The following GRID2 variants were observed in gnomAD, a reference collection of about 807,000 sequenced individuals.
GRID2 encodes glutamate receptor ionotropic, delta-2.
A neutral mutation model predicts 114.8 loss-of-function variants in GRID2; 33 were observed. The ratio of observed to expected loss-of-function variants is 0.29; its 90% confidence interval spans 0.22 to 0.38. The LOEUF is 0.38. Ranked by LOEUF, GRID2 falls within the 10% of genes least tolerant of loss-of-function variation. The pLI, the probability that GRID2 is intolerant of heterozygous loss-of-function variation, is 1.00. For synonymous variants in GRID2, 505 were observed against 449.9 expected (o/e 1.12, Z -1.55); for missense variants, 1,184 against 1,257.7 (o/e 0.94, Z 0.89).
intron 2 of GRID2, among the ~76,000 whole-genome samples, chr4:92,854,125 A>T (rs982815743): frequency 5.3e-5 from 8 of 151,856 alleles, no homozygotes; most frequent in Non-Finnish European, 7.4e-5. Context: ...ATCATCCCTA[A>T]ATACAAGGGG....
chr4:93,257,978 GTATA>G (rs72080884), intron 8 of GRID2, among the ~76,000 whole-genome samples: 57 of 139,078 alleles, frequency 4.1e-4, no homozygotes, highest in African/African-American at 5.9e-4. Context: ...ATATGTGTGT[GTATA>G]TATATATATA....
chr4:92,854,801 G>A lies in GRID2; in HGVS notation c.245-230194G>A, dbSNP rs142512348. On this transcript the variant is annotated intron_variant, in intron 2 of 15. Transcript: ENST00000282020. ...GTAAATAATAAAAAAATTTAGAAAGGGGAAAATTTTTTAAATGAAGATTGA... is the reference window on the plus strand; with the variant it reads ...GTAAATAATAAAAAAATTTAGAAAGAGGAAAATTTTTTAAATGAAGATTGA... 3.3e-5 allele frequency among the ~76,000 whole-genome samples: 5 copies of A among 151,918 alleles called. No individual in the cohort carries two copies. The East Asian group carries it at 9.7e-4, about 29-fold the overall frequency.
intron 2 of GRID2, among the ~76,000 whole-genome samples, chr4:92,798,821 C>A (rs1740013493): frequency 6.6e-6 from 1 of 151,898 alleles, no homozygotes; most frequent in Non-Finnish European, 1.5e-5. Context: ...ACAGAGTTAC[C>A]AAGTCAGCAA....
chr4:93,284,440 A>G (rs1433674), intron 8 of GRID2, among the ~76,000 whole-genome samples: 66,044 of 151,842 alleles, frequency 0.43, 17,641 homozygotes, highest in Admixed American at 0.62. Context: ...ACATAGCTGT[A>G]CAACAACCCC....
intron 1 of GRID2, among the ~76,000 whole-genome samples, chr4:92,381,686 G>A (rs185623420): frequency 1.6e-4 from 25 of 152,094 alleles, no homozygotes; most frequent in Admixed American, 5.9e-4. Context: ...CCATATGGAA[G>A]TACTGTGGAG....
At chr4:92,656,039 C>G (rs1444011541) in intron 2 of GRID2, among the ~76,000 whole-genome samples, 3 of 151,480 alleles carry the variant, frequency 2.0e-5, no homozygotes, top group Admixed American at 2.0e-4. Context: ...AGATGTGGTC[C>G]TTCTATGCCG....
intron 2 of GRID2, among the ~76,000 whole-genome samples, chr4:92,615,919 CTG>C (rs1398057937): frequency 6.6e-6 from 1 of 151,570 alleles, no homozygotes; most frequent in East Asian, 1.9e-4. Context: ...TTTCTACTCA[CTG>C]TTATTATGCT....
chr4:93,331,478 T>C lies in GRID2; in HGVS notation c.1246-64129T>C, dbSNP rs543929696. 1.2e-4 allele frequency among the ~76,000 whole-genome samples: 19 copies of C among 152,084 alleles called. 1 individual carries two copies. In the South Asian group the frequency reaches 3.9e-3, roughly 32 times the overall value. ...AACCTGATTCTTTCTTTTTGTAACA[T>C]TGATCACATACAAGATAGGTAGTAT... On this transcript the variant is annotated intron_variant, in intron 8 of 15. Transcript: ENST00000282020.
At chr4:92,975,960 T>A (rs1753843947) in intron 2 of GRID2, among the ~76,000 whole-genome samples, 1 of 152,126 alleles carries the variant, frequency 6.6e-6, no homozygotes, top group African/African-American at 2.4e-5. Context: ...ATATATGATA[T>A]TTGTGTCTTT....
intron 2 of GRID2, among the ~76,000 whole-genome samples, chr4:92,971,074 G>A (rs757080393): frequency 2.0e-5 from 3 of 151,794 alleles, no homozygotes; most frequent in Non-Finnish European, 4.4e-5. Context: ...GGGCTCAAAT[G>A]ATATTCTCGC....
chr4:93,037,169 C>A (rs1269038637), intron 2 of GRID2, among the ~76,000 whole-genome samples: 1 of 152,232 alleles, frequency 6.6e-6, no homozygotes, highest in South Asian at 2.1e-4. Context: ...CATGTAATTT[C>A]TCTATTTAAG....
chr4:93,489,767 T>C (rs761019762), intron 11 of GRID2, among the ~76,000 whole-genome samples: 2 of 151,914 alleles, frequency 1.3e-5, no homozygotes, highest in South Asian at 2.1e-4. Flanking sequence ...TAAATAGTGG[T>C]GCTATTCCCT....
intron 1 of GRID2, among the ~76,000 whole-genome samples, chr4:92,565,016 G>A (rs955555845): frequency 6.6e-6 from 1 of 151,834 alleles, no homozygotes; most frequent in Non-Finnish European, 1.5e-5. Context: ...TCTGTACCTG[G>A]ATCTGACCTT....
chr4:93,224,804 A>C, intron 7 of GRID2, 29 bp downstream of exon 7: 1 of 1,473,654 alleles, frequency 6.8e-7, no homozygotes. Context: ...TGTAAAAAGG[A>C]TATGGTAAAT....
chr4:92,676,318 T>C (rs1004309633), intron 2 of GRID2, among the ~76,000 whole-genome samples: 1 of 151,896 alleles, frequency 6.6e-6, no homozygotes, highest in African/African-American at 2.4e-5. Context: ...TAGCTGGGAC[T>C]ACAGGTGCCC....
At chr4:92,740,819 T>C (rs1736861167) in intron 2 of GRID2, among the ~76,000 whole-genome samples, 1 of 152,130 alleles carries the variant, frequency 6.6e-6, no homozygotes, top group South Asian at 2.1e-4. Flanking sequence ...CGATCCCGGC[T>C]CACTGCAACC....
At chr4:93,728,086 A>G (rs1269263525) in intron 14 of GRID2, among the ~76,000 whole-genome samples, 2 of 151,644 alleles carry the variant, frequency 1.3e-5, no homozygotes, top group South Asian at 2.1e-4. Flanking sequence ...TTAGGGTGTC[A>G]ATTTTAGATC....
At chr4:93,282,368 T>A (rs1752738259) in intron 8 of GRID2, 1 of 447,720 alleles carries the variant, frequency 2.2e-6, no homozygotes, top group Admixed American at 2.4e-5. Context: ...ATAACTTTAT[T>A]TATTGTAGTT....
At chr4:92,432,730 T>C (rs1445754552) in intron 1 of GRID2, among the ~76,000 whole-genome samples, 1 of 152,128 alleles carries the variant, frequency 6.6e-6, no homozygotes, top group Non-Finnish European at 1.5e-5. Context: ...TGCTTAGTAC[T>C]CTACACAACT....
Sources: allele counts gnomAD v4.1 joint callset (sites outside exome capture counted in the v4.1 genomes callset), GRCh38; gene constraint gnomAD v4.1.1; transcripts MANE v1.5; gene names NCBI Gene and HGNC (gene_info 2026-07-23, HGNC 2026-07-21).